Variants in ARMC3 observed in about 807,000 individuals in gnomAD.
The protein encoded by ARMC3 is armadillo repeat-containing protein 3.
A neutral mutation model predicts 90.3 loss-of-function variants in ARMC3; 74 were observed. That is an observed-to-expected ratio of 0.82 (90% CI 0.68 to 0.99). ARMC3 has a LOEUF of 0.99. Ranked by LOEUF, ARMC3 falls within the 50% of genes least tolerant of loss-of-function variation. ARMC3 has a pLI of 0.00. For missense variants in ARMC3, 958 were observed against 1,042.8 expected, an observed-to-expected ratio of 0.92 and a Z score of 1.12; for synonymous variants, 334 against 361.8, an observed-to-expected ratio of 0.92 and a Z score of 0.87.
At chr10:22,971,312 T>C (rs1835673924) in intron 8 of ARMC3, among the ~76,000 whole-genome samples, 1 of 152,206 alleles carries the variant, frequency 6.6e-6, no homozygotes, top group Non-Finnish European at 1.5e-5. Context: ...TACATCTGCC[T>C]TTTGGTTAAT....
chr10:22,940,203 A>T (rs1268243183), intron 2 of ARMC3, among the ~76,000 whole-genome samples: 1 of 152,270 alleles, frequency 6.6e-6, no homozygotes, highest in Non-Finnish European at 1.5e-5. Context: ...ACATTTTATG[A>T]TACAAAGGTT....
chr10:22,981,365 A>G lies in ARMC3; in HGVS notation c.942A>G (p.Glu314=). ...YDPENRKLFH[E]QEVEKCLVAL... is the part of the protein sequence containing the mutation. ...CTGAAAATAGAAAACTTTTTCATGA[A>G]CAAGAGGTTGAAAAGTGCCTTGTAG... Residue 314 remains glutamate, a synonymous_variant, in exon 9 of 19, where the codon GAA becomes GAG. Coordinates refer to ENST00000298032, the MANE Select transcript of ARMC3 (RefSeq NM_173081.5). The G allele has an allele frequency of 6.2e-7, 1 of 1,605,234 alleles. No individual in the cohort carries two copies. The highest frequency in any genetic ancestry group is 8.5e-7 in the Non-Finnish European group (1 of 1,177,810).
At chr10:23,013,531 G>A (rs1838121332) in intron 16 of ARMC3, among the ~76,000 whole-genome samples, 1 of 152,100 alleles carries the variant, frequency 6.6e-6, no homozygotes, top group South Asian at 2.1e-4. Flanking sequence ...TTTGATATCT[G>A]TGTACACTGT....
intron 16 of ARMC3, among the ~76,000 whole-genome samples, chr10:23,025,206 G>A (rs1442875027): frequency 6.6e-6 from 1 of 152,024 alleles, no homozygotes; most frequent in Non-Finnish European, 1.5e-5. Context: ...CTTCTAGGTG[G>A]AAAATTTGCA....
intron 2 of ARMC3, among the ~76,000 whole-genome samples, chr10:22,936,103 A>T (rs1834101638): frequency 6.6e-6 from 1 of 152,178 alleles, no homozygotes; most frequent in African/African-American, 2.4e-5. Context: ...GACCTGTGCT[A>T]ATACTCCAGC....
chr10:22,935,825 T>C (rs753364743), intron 2 of ARMC3, among the ~76,000 whole-genome samples: 64 of 152,362 alleles, frequency 4.2e-4, no homozygotes, highest in Middle Eastern at 6.8e-3. Flanking sequence ...TTTTAATCTT[T>C]AGACATTTTA....
intron 16 of ARMC3, among the ~76,000 whole-genome samples, chr10:23,020,003 A>G (rs1838443254): frequency 6.6e-6 from 1 of 152,248 alleles, no homozygotes; most frequent in South Asian, 2.1e-4. Context: ...CTGTGTGGAT[A>G]TACCACAGTA....
chr10:22,965,731 T>C (rs1489443880), intron 7 of ARMC3, among the ~76,000 whole-genome samples: 11 of 152,226 alleles, frequency 7.2e-5, no homozygotes. Context: ...TTAGATTAAA[T>C]AACGTCTTTT....
intron 11 of ARMC3, among the ~76,000 whole-genome samples, 198 bp from the exon 12 acceptor site, chr10:23,001,721 C>T (rs180778360): frequency 0.011 from 1,640 of 152,224 alleles, 28 homozygotes; most frequent in African/African-American, 0.038. Context: ...TTCCCAGGGC[C>T]CGAAAACCGG....
chr10:22,947,695 G>C (rs1363167673), intron 3 of ARMC3, among the ~76,000 whole-genome samples: 2 of 152,148 alleles, frequency 1.3e-5, no homozygotes, highest in Non-Finnish European at 2.9e-5. Context: ...TTCATTAACT[G>C]TAAAAAATGT....
chr10:23,032,166 G>A (rs1564407853), intron 17 of ARMC3, among the ~76,000 whole-genome samples: 2 of 152,110 alleles, frequency 1.3e-5, no homozygotes, highest in African/African-American at 2.4e-5. Flanking sequence ...GAGACAAAGG[G>A]TATTGCAGGT....
chr10:22,968,207 A>T, intron 7 of ARMC3, 99 bp from the exon 8 acceptor site: 1 of 1,090,602 alleles, frequency 9.2e-7, no homozygotes, highest in South Asian at 1.5e-5. Flanking sequence ...AAAAATCATG[A>T]CATTGTGTTC....
At chr10:22,990,453 G>C (rs1836655512) in intron 10 of ARMC3, among the ~76,000 whole-genome samples, 1 of 152,188 alleles carries the variant, frequency 6.6e-6, no homozygotes, top group South Asian at 2.1e-4. Context: ...ACGTTTCCAT[G>C]ATCTGAAACT....
chr10:23,038,200 T>G lies in ARMC3; in HGVS notation c.*721T>G, dbSNP rs1839193655. 2 of 152,174 alleles carry G rather than the reference T, an allele frequency of 1.3e-5. No individual in the cohort carries two copies. The highest frequency in any genetic ancestry group is 4.1e-4 in the South Asian group (2 of 4,836). The allele number at this position is 152,174 out of a possible 1,614,324, so 9.4% of individuals were successfully genotyped here. A position where few individuals can be genotyped will look rare whatever the true frequency, so the allele number is the denominator to read the frequency against. On this transcript the variant is annotated 3_prime_UTR_variant, in exon 19 of 19. Transcript: ENST00000298032. ...ATATATTATTTTCAATTTATAGAAC[T>G]AAAAAATTTTTATTTTTTGGAAAAC...
intron 15 of ARMC3, among the ~76,000 whole-genome samples, 160 bp from the exon 16 acceptor site, chr10:23,008,655 C>T (rs1269198074): frequency 2.0e-5 from 3 of 152,016 alleles, no homozygotes; most frequent in Non-Finnish European, 4.4e-5. Context: ...GAAATAACAC[C>T]GGGTCCCTGG....
intron 16 of ARMC3, among the ~76,000 whole-genome samples, chr10:23,012,142 TA>T (rs1207195518): frequency 1.3e-5 from 2 of 152,232 alleles, no homozygotes; most frequent in Non-Finnish European, 2.9e-5. Flanking sequence ...TTCTTAATCC[TA>T]AATTTTTTGG....
At chr10:23,016,392 A>G (rs532137223) in intron 16 of ARMC3, among the ~76,000 whole-genome samples, 17 of 152,318 alleles carry the variant, frequency 1.1e-4, no homozygotes, top group African/African-American at 4.1e-4. Flanking sequence ...CAAATATTCT[A>G]TATGTTTACC....
At chr10:22,985,815 C>T (rs1317886100) in intron 10 of ARMC3, among the ~76,000 whole-genome samples, 3 of 152,104 alleles carry the variant, frequency 2.0e-5, no homozygotes, top group African/African-American at 7.2e-5. Context: ...ATTCCGCTTC[C>T]GGGAGTATTT....
Position 22,978,618 on chromosome 10 carries a change from T to A in ARMC3, c.917-2722T>A, listed in dbSNP as rs997497410. 5.7e-4 allele frequency among the ~76,000 whole-genome samples: 86 copies of A among 152,186 alleles called. 1 individual carries two copies. Among genetic ancestry groups the A allele is most frequent in the Admixed American group, 6.5e-5 (1 of 15,272 alleles). Reference sequence around the variant, plus strand: ...GACACAGCCAGCTTCATCAGACATGTCTTATTTTATATTAGTTACAGTGGC... The same window carrying A: ...GACACAGCCAGCTTCATCAGACATGACTTATTTTATATTAGTTACAGTGGC... On this transcript the variant is annotated intron_variant, in intron 8 of 18. Transcript: ENST00000298032.
Sources: allele counts gnomAD v4.1 joint callset (sites outside exome capture counted in the v4.1 genomes callset), GRCh38; gene constraint gnomAD v4.1.1; transcripts MANE v1.5; gene names NCBI Gene and HGNC (gene_info 2026-07-23, HGNC 2026-07-21).